Variants in SEMA6C observed in about 807,000 individuals in gnomAD.
SEMA6C encodes semaphorin-6C.
A neutral mutation model predicts 72.9 loss-of-function variants in SEMA6C; 37 were observed. The observed-to-expected ratio is 0.51, with a 90% confidence interval of 0.39 to 0.67. The LOEUF is 0.67. Ranked by LOEUF, SEMA6C falls within the 30% of genes least tolerant of loss-of-function variation. The pLI, the probability that SEMA6C is intolerant of heterozygous loss-of-function variation, is 0.00. For missense variants in SEMA6C, 1,189 were observed against 1,263.6 expected, an observed-to-expected ratio of 0.94 and a Z score of 0.89; for synonymous variants, 578 against 554.1, an observed-to-expected ratio of 1.04 and a Z score of -0.61.
In SEMA6C at chr1:151,132,810, G is replaced by T; in HGVS notation, c.2467C>A (p.Pro823Thr). The change falls in exon 19 of 19, where the codon CCC (proline) becomes ACC (threonine). Residue 823 changes from proline (P) to threonine (T), a missense_variant. Around this residue, in one of 2 missense-constraint regions of SEMA6C, gnomAD observed 721 missense variants for 686.2 expected, o/e 1.05. Coordinates refer to ENST00000368914, the MANE Select transcript of SEMA6C (RefSeq NM_030913.6). Reference protein sequence around the residue: ...ECASPLRLDVPPEGRCASAPA... With the variant: ...ECASPLRLDVTPEGRCASAPA... ...GCAGAGGCGCACCTGCCCTCGGGGGGCACGTCCAGCCTCAGCGGCGAGGCG... is the reference window on the plus strand; with the variant it reads ...GCAGAGGCGCACCTGCCCTCGGGGGTCACGTCCAGCCTCAGCGGCGAGGCG... The T allele has an allele frequency of 7.5e-7, 1 of 1,329,408 alleles. No individual in the cohort carries two copies. Among genetic ancestry groups the T allele is most frequent in the South Asian group, 1.9e-5 (1 of 53,338 alleles). The allele number at this position is 1,329,408 out of a possible 1,614,324, so 82.4% of individuals were successfully genotyped here.
chr1:151,132,847 C>T lies in SEMA6C; in HGVS notation c.2430G>A (p.Arg810=). Residue 810 remains arginine (R), a synonymous_variant, in exon 19 of 19, where the codon AGG becomes AGA. Transcript: ENST00000368914. Reference sequence around the variant, plus strand: ...TCAGCGGCGAGGCGCACTCGTGGGGCCTGGGGCTGGGGCCGCCCAAGAGGG... The same window carrying T: ...TCAGCGGCGAGGCGCACTCGTGGGGTCTGGGGCTGGGGCCGCCCAAGAGGG... ...APALLGGPSP[R]PHECASPLRL... is the part of the protein sequence containing the mutation. 1 of 1,283,824 alleles carries T rather than the reference C, an allele frequency of 7.8e-7. No homozygotes were observed. The highest frequency in any genetic ancestry group is 9.8e-7 in the Non-Finnish European group (1 of 1,017,130). 79.5% of individuals were successfully genotyped at this position (1,283,824 alleles called of 1,614,324 possible).
At chr1:151,137,130 A>G (rs902421516) in intron 10 of SEMA6C, 56 bp from the exon 11 acceptor site, 12 of 1,500,560 alleles carry the variant, frequency 8.0e-6, no homozygotes, top group African/African-American at 1.4e-5. Flanking sequence ...GGCCAGCTGC[A>G]TGCAAGGAGT....
chr1:151,144,159 C>T (rs905113442), intron 2 of SEMA6C, among the ~76,000 whole-genome samples: 11 of 152,148 alleles, frequency 7.2e-5, no homozygotes, highest in Admixed American at 5.9e-4. Flanking sequence ...TTTCCGGATA[C>T]TGTTGTTCCC....
Position 151,139,621 on chromosome 1 carries a change from C to G in SEMA6C, c.297+17G>C. 6.2e-7 allele frequency: 1 copy of G among 1,605,360 alleles called. No individual in the cohort carries two copies. The highest frequency in any genetic ancestry group is 2.2e-5 in the East Asian group (1 of 44,694). On this transcript the variant is annotated intron_variant, in intron 5 of 18. Coordinates refer to ENST00000368914, the MANE Select transcript of SEMA6C (RefSeq NM_030913.6). ...CCTCATCTCCACGTCTGCACCTCTT[C>G]CCACACAGCCCCTCACCTTGTTGGG...
chr1:151,135,704 G>T lies in SEMA6C; in HGVS notation c.1320C>A (p.Val440=). The part of the protein sequence containing the change: ...GMAGPHSNIT[V]MFLGSNDGTV... ...TCCCATCATTGGAGCCAAGGAACATGACTGTGATGTTACTGTGGGGACCAG... is the reference window on the plus strand; with the variant it reads ...TCCCATCATTGGAGCCAAGGAACATTACTGTGATGTTACTGTGGGGACCAG... Residue 440 remains valine (V), a synonymous_variant, in exon 14 of 19, where the codon GTC becomes GTA. Coordinates refer to ENST00000368914, the MANE Select transcript of SEMA6C (RefSeq NM_030913.6). 1 of 1,614,198 alleles carries T rather than the reference G, an allele frequency of 6.2e-7. No individual in the cohort carries two copies. The highest frequency in any genetic ancestry group is 8.5e-7 in the Non-Finnish European group (1 of 1,180,014).
intron 13 of SEMA6C, 69 bp downstream of exon 13, chr1:151,135,942 G>T: frequency 1.9e-6 from 3 of 1,602,256 alleles, no homozygotes; most frequent in Non-Finnish European, 2.6e-6. Flanking sequence ...GGTTTACCTT[G>T]TTGGGTCAAA....
chr1:151,140,301 A>G (rs1026841533), intron 3 of SEMA6C, among the ~76,000 whole-genome samples: 1 of 152,216 alleles, frequency 6.6e-6, no homozygotes, highest in East Asian at 1.9e-4. Context: ...ACATGGTCCT[A>G]TGAGGTAGCT....
rs769371335 is a variant in SEMA6C at position 151,142,535 on chromosome 1, G to A, written c.87C>T (p.Asp29=). Residue 29 remains aspartate (D), a synonymous_variant, in exon 3 of 19, where the codon GAC becomes GAT. Coordinates refer to ENST00000368914, the MANE Select transcript of SEMA6C (RefSeq NM_030913.6). The part of the protein sequence containing the change: ...LPHTQAAFPQ[D]PLPLLISDLQ... Reference sequence around the variant, plus strand: ...GGTCAGAGATCAACAGAGGGAGGGGGTCCTGGGGAAAGGCGGCCTGAGTAT... The same window carrying A: ...GGTCAGAGATCAACAGAGGGAGGGGATCCTGGGGAAAGGCGGCCTGAGTAT... 4 of 1,613,052 alleles carry A rather than the reference G, an allele frequency of 2.5e-6. No individual in the cohort carries two copies. The South Asian group carries it at 3.3e-5, about 13-fold the overall frequency.
intron 3 of SEMA6C, among the ~76,000 whole-genome samples, chr1:151,141,099 T>TC (rs1682507584): frequency 6.6e-6 from 1 of 152,206 alleles, no homozygotes; most frequent in Non-Finnish European, 1.5e-5. Context: ...GTAACCCAAC[T>TC]GCAGCTCCTC....
Position 151,136,113 on chromosome 1 carries a change from C to T in SEMA6C, c.1157G>A (p.Arg386Gln), listed in dbSNP as rs781152823. The stretch of plus-strand genomic sequence containing the variant: ...GGTCAGGACATCATCAGGGAGGTCT[C>T]GGGAAGAGGAGAACAAGGCAGCTCC... ...VGGAALFSSS[R>Q]DLPDDVLTFI... Residue 386 changes from arginine to glutamine, a missense_variant, in exon 13 of 19, where the codon CGA (arginine) becomes CAA (glutamine). Arg to Gln is a conservative substitution (Grantham distance 43). Coordinates refer to ENST00000368914, the MANE Select transcript of SEMA6C (RefSeq NM_030913.6). The T allele has an allele frequency of 1.2e-4, 197 of 1,613,834 alleles. No homozygotes were observed. Among genetic ancestry groups the T allele is most frequent in the Middle Eastern group, 1.6e-4 (1 of 6,062 alleles).
In SEMA6C at chr1:151,132,905, G is replaced by T; in HGVS notation, c.2372C>A (p.Thr791Asn). ...GGGCTCCGGCGGGAGCGCCCGCGAG[G>T]TTAAAGGGGCGGGGGGCTCGGCCCC... is the stretch of plus-strand genomic sequence containing the variant. ...RKGAEPPAPL[T>N]SRALPPEPAP... Residue 791 changes from threonine (T) to asparagine (N), a missense_variant, in exon 19 of 19, where the codon ACC becomes AAC. By Grantham distance (65) the Thr-to-Asn change is moderately conservative. Transcript: ENST00000368914. The T allele has an allele frequency of 2.2e-6, 3 of 1,362,316 alleles. No homozygotes were observed. The highest frequency in any genetic ancestry group is 2.8e-6 in the Non-Finnish European group (3 of 1,059,032). The allele number at this position is 1,362,316 out of a possible 1,614,324, so 84.4% of individuals were successfully genotyped here.
Position 151,132,734 on chromosome 1 carries a change from C to G in SEMA6C, c.2543G>C (p.Gly848Ala). 6.9e-7 allele frequency: 1 copy of G among 1,457,668 alleles called. No individual in the cohort carries two copies. The highest frequency in any genetic ancestry group is 9.1e-7 in the Non-Finnish European group (1 of 1,104,798). 90.3% of individuals were successfully genotyped at this position (1,457,668 alleles called of 1,614,324 possible). Residue 848 changes from glycine (G) to alanine (A), a missense_variant, in exon 19 of 19, where the codon GGA becomes GCA. Coordinates refer to ENST00000368914, the MANE Select transcript of SEMA6C (RefSeq NM_030913.6). ...SAPAPRLGVG[G>A]GRRLPFSGHR... ...GCCGGAGAAAGGCAACCTCCGGCCT[C>G]CGCCGACGCCCAGCCGGGGAGCGGG...
At chr1:151,137,835 G>A (rs1398626520) in intron 9 of SEMA6C, 36 bp from the exon 10 acceptor site, 3 of 1,595,324 alleles carry the variant, frequency 1.9e-6, no homozygotes, top group African/African-American at 1.3e-5. Context: ...GTATAGAAGA[G>A]TATCTGTACC....
Position 151,135,592 on chromosome 1 carries a change from G to T in SEMA6C, c.1432C>A (p.Arg478=). The T allele has an allele frequency of 6.2e-7, 1 of 1,611,946 alleles. No individual in the cohort carries two copies. The highest frequency in any genetic ancestry group is 8.5e-7 in the Non-Finnish European group (1 of 1,179,102). ...LEEIDAYSPA[R]CSGKRTAQTA... ...GGGCCTGCCCTCCAAAGGCCTCACCGGGCAGGGCTGTAGGCATCAATCTCT... is the reference window on the plus strand; with the variant it reads ...GGGCCTGCCCTCCAAAGGCCTCACCTGGCAGGGCTGTAGGCATCAATCTCT... The change falls in exon 14 of 19, where the codon CGG becomes AGG. Residue 478 remains arginine, a splice_region_variant and synonymous_variant. Transcript: ENST00000368914.
Position 151,132,508 on chromosome 1 carries a change from C to G in SEMA6C, c.2769G>C (p.Pro923=). ...TTTAAAAGTTGAAACGGCCGCCGTT[C>G]GGGACGGCCTGGCGGGAGGAGGGCC... The part of the protein sequence containing the change: ...LVGPSSRQAV[P]NGGRFNF Residue 923 remains proline, a synonymous_variant, in exon 19 of 19, where the codon CCG becomes CCC. Coordinates refer to ENST00000368914, the MANE Select transcript of SEMA6C (RefSeq NM_030913.6). 4 of 1,549,672 alleles carry G rather than the reference C, an allele frequency of 2.6e-6. No homozygotes were observed. In the Middle Eastern group the frequency reaches 6.7e-4, roughly 259 times the overall value.
intron 2 of SEMA6C, 68 bp from the exon 3 acceptor site, chr1:151,142,743 G>C (rs1177777797): frequency 1.3e-6 from 1 of 764,414 alleles, no homozygotes. Context: ...AAGCCAGCAG[G>C]CTCCTCTCCT....
chr1:151,136,465 G>A lies in SEMA6C; in HGVS notation c.1089C>T (p.Asp363=). ...LDGAWTPVSE[D]RVPSPRPGSC... is the part of the protein sequence containing the mutation. ...CTGGGTACCTGGGTGAGGGAACTCT[G>A]TCCTCAGACACAGGAGTCCAGGCCC... The change falls in exon 12 of 19, where the codon GAC becomes GAT. Residue 363 remains aspartate, a synonymous_variant. Transcript: ENST00000368914. 2 of 1,613,940 alleles carry A rather than the reference G, an allele frequency of 1.2e-6. No homozygotes were observed. The highest frequency in any genetic ancestry group is 1.7e-6 in the Non-Finnish European group (2 of 1,179,980).
chr1:151,133,278 G>A lies in SEMA6C; in HGVS notation c.1999C>T (p.Pro667Ser). 1 of 1,576,740 alleles carries A rather than the reference G, an allele frequency of 6.3e-7. No individual in the cohort carries two copies. Among genetic ancestry groups the A allele is most frequent in the Non-Finnish European group, 8.6e-7 (1 of 1,166,124 alleles). ...LHGGGPEPPP[P>S]SKDGDAVQTP... ...TGCACCGCGTCCCCGTCCTTGGAGG[G>A]CGGCGGGGGCTCTGGGCCCCCACCG... The change falls in exon 19 of 19, where the codon CCC becomes TCC. Residue 667 changes from proline to serine, a missense_variant. By Grantham distance (74) the Pro-to-Ser change is moderately conservative. Coordinates refer to ENST00000368914, the MANE Select transcript of SEMA6C (RefSeq NM_030913.6). The surrounding 1 kb of genome is among the most constrained non-coding windows in gnomAD (Gnocchi z 5.9).
intron 3 of SEMA6C, among the ~76,000 whole-genome samples, chr1:151,140,723 G>T (rs188545694): frequency 6.6e-6 from 1 of 152,240 alleles, no homozygotes; most frequent in African/African-American, 2.4e-5. Flanking sequence ...AGCTGGGAGC[G>T]GTGGCTCACG....
Sources: allele counts gnomAD v4.1 joint callset (sites outside exome capture counted in the v4.1 genomes callset), GRCh38; gene constraint gnomAD v4.1.1; regional missense constraint gnomAD v4.1.1; non-coding constraint Gnocchi (gnomAD v3.1); transcripts MANE v1.5; gene names NCBI Gene and HGNC (gene_info 2026-07-23, HGNC 2026-07-21).